The following RXRA variants were observed in gnomAD, a reference collection of about 807,000 sequenced individuals.
RXRA encodes the protein retinoic acid receptor RXR-alpha.
A neutral mutation model predicts 44.5 loss-of-function variants in RXRA; 5 were observed. That is an observed-to-expected ratio of 0.11 (90% confidence interval 0.06 to 0.24). The LOEUF (loss-of-function observed/expected upper bound fraction) is 0.24, where lower values mean the gene tolerates loss of function less well. Among genes scored for constraint, RXRA ranks in the 10% least tolerant of loss-of-function variants. The pLI is 1.00. For synonymous variants in RXRA, 291 were observed against 271.4 expected, an observed-to-expected ratio of 1.07 and a Z score of -0.71; for missense variants, 412 against 646.5, an observed-to-expected ratio of 0.64 and a Z score of 3.93.
chr9:134,420,954 C>T (rs1171414583), intron 5 of RXRA, among the ~76,000 whole-genome samples: 4 of 152,244 alleles, frequency 2.6e-5, no homozygotes, highest in Non-Finnish European at 5.9e-5. Context: ...AGGCTCCTGC[C>T]CTCCTGAGCT....
intron 1 of RXRA, among the ~76,000 whole-genome samples, chr9:134,386,257 C>T (rs534135296): frequency 3.3e-5 from 5 of 152,364 alleles, no homozygotes; most frequent in South Asian, 4.1e-4. Context: ...ACCCTGAGCC[C>T]GCCGGCCAGC....
chr9:134,388,419 ATGT>A (rs973095942), intron 1 of RXRA, among the ~76,000 whole-genome samples: 4 of 152,058 alleles, frequency 2.6e-5, no homozygotes, highest in Non-Finnish European at 4.4e-5. Flanking sequence ...ATGACTTGGG[ATGT>A]TGTTCTGCTC....
At position 134,436,644 on chromosome 9, in the gene RXRA, G is replaced by C. The variant is rs750745421; in HGVS notation, c.*30G>C. ...GCGGGCCCATCCTTTGTGCCCACCC[G>C]TTCTGGCCACCCTGCCTGGACGCCA... On this transcript the variant is annotated 3_prime_UTR_variant, in exon 10 of 10. Coordinates refer to ENST00000481739, the MANE Select transcript of RXRA (RefSeq NM_002957.6). 2.5e-6 allele frequency: 4 copies of C among 1,612,172 alleles called. No homozygotes were observed. Among genetic ancestry groups the C allele is most frequent in the Non-Finnish European group, 2.5e-6 (3 of 1,179,092 alleles).
intron 1 of RXRA, among the ~76,000 whole-genome samples, chr9:134,352,564 A>ACCACCCAGCCTCCTGCTGGCC (rs1830234590): frequency 6.6e-6 from 1 of 152,110 alleles, no homozygotes; most frequent in African/African-American, 2.4e-5. Flanking sequence ...GTCTGTCCGG[A>ACCACCCAGCCTCCTGCTGGCC]CCACCCAGCC....
At chr9:134,347,601 G>GGTAT (rs1374148800) in intron 1 of RXRA, among the ~76,000 whole-genome samples, 2 of 152,226 alleles carry the variant, frequency 1.3e-5, no homozygotes, top group Non-Finnish European at 2.9e-5. Context: ...GCAGGTTCCA[G>GGTAT]GTATGCGGAG....
chr9:134,390,584 A>G (rs1830785605), intron 1 of RXRA, among the ~76,000 whole-genome samples: 2 of 152,136 alleles, frequency 1.3e-5, no homozygotes, highest in African/African-American at 4.8e-5. Flanking sequence ...TCTGCGGGGC[A>G]GGAGGGACGT....
At chr9:134,351,383 G>A (rs1830219794) in intron 1 of RXRA, among the ~76,000 whole-genome samples, 1 of 152,194 alleles carries the variant, frequency 6.6e-6, no homozygotes, top group African/African-American at 2.4e-5. Flanking sequence ...GGGCCCGGCA[G>A]GCTGGTTGTG....
At chr9:134,419,328 C>T (rs1474877528) in intron 5 of RXRA, among the ~76,000 whole-genome samples, 2 of 152,218 alleles carry the variant, frequency 1.3e-5, no homozygotes, top group Admixed American at 1.3e-4. Context: ...GGGAATCTGC[C>T]ATCTGCTGTC....
chr9:134,422,868 G>A (rs1359111072), intron 6 of RXRA: 2 of 985,338 alleles, frequency 2.0e-6, no homozygotes, highest in African/African-American at 3.5e-5. Context: ...TGTGTTCCAG[G>A]GGCTGCCCAG....
chr9:134,427,469 A>G (rs571788069), intron 6 of RXRA, among the ~76,000 whole-genome samples: 88 of 152,220 alleles, frequency 5.8e-4, no homozygotes, highest in Non-Finnish European at 1.1e-3. Context: ...TGCCGTCTGC[A>G]TGCTCCCACG....
At chr9:134,401,225 C>T (rs1168381206) in intron 1 of RXRA, among the ~76,000 whole-genome samples, 1 of 152,240 alleles carries the variant, frequency 6.6e-6, no homozygotes, top group African/African-American at 2.4e-5. Flanking sequence ...ATTCCCAGAC[C>T]TTCACCTTGA....
chr9:134,336,600 C>T (rs1271058443), intron 1 of RXRA, among the ~76,000 whole-genome samples: 2 of 152,198 alleles, frequency 1.3e-5, no homozygotes, highest in African/African-American at 4.8e-5. Flanking sequence ...CTCCTCTTCC[C>T]GTGGGGCCCT....
chr9:134,388,319 A>G (rs1830751812), intron 1 of RXRA, among the ~76,000 whole-genome samples: 1 of 44,378 alleles, frequency 2.3e-5, no homozygotes, highest in South Asian at 4.9e-4. Context: ...TTGCGTGCAC[A>G]GGCACACGTG....
At chr9:134,389,503 C>T (rs572697220) in intron 1 of RXRA, among the ~76,000 whole-genome samples, 16 of 150,846 alleles carry the variant, frequency 1.1e-4, no homozygotes, top group African/African-American at 3.2e-4. Context: ...AGAGGGCTAG[C>T]GGGGCCAGGG....
chr9:134,413,132 C>T (rs1432881835), intron 4 of RXRA, among the ~76,000 whole-genome samples: 2 of 152,178 alleles, frequency 1.3e-5, no homozygotes, highest in East Asian at 1.9e-4. Flanking sequence ...GACCTTGCCT[C>T]GCCCAGTCCT....
chr9:134,383,466 G>T (rs967840783), intron 1 of RXRA, among the ~76,000 whole-genome samples: 1 of 152,200 alleles, frequency 6.6e-6, no homozygotes, highest in East Asian at 1.9e-4. Context: ...CCTGGGGCAG[G>T]GGTAGGATGG....
chr9:134,384,282 C>G (rs887006005), intron 1 of RXRA, among the ~76,000 whole-genome samples: 2 of 152,224 alleles, frequency 1.3e-5, no homozygotes, highest in Middle Eastern at 3.2e-3. Flanking sequence ...CTGGACCCTC[C>G]TCGCTGTCAC....
chr9:134,425,872 A>T, intron 6 of RXRA: 12 of 985,100 alleles, frequency 1.2e-5, no homozygotes, highest in Non-Finnish European at 1.4e-5. Context: ...GACCACCAGG[A>T]GTCGGTGTTA....
intron 1 of RXRA, among the ~76,000 whole-genome samples, chr9:134,383,714 G>A (rs1830679430): frequency 6.6e-6 from 1 of 152,180 alleles, no homozygotes; most frequent in African/African-American, 2.4e-5. Flanking sequence ...GTGGCATGGT[G>A]TGCCTCTTGG....
Sources: gnomAD v4.1 joint callset for allele counts (sites outside exome capture counted in the v4.1 genomes callset) on GRCh38, gnomAD v4.1.1 for gene constraint, MANE v1.5 for transcripts, NCBI Gene and HGNC (gene_info 2026-07-23, HGNC 2026-07-21) for gene names.